The following MYT1L variants were observed in gnomAD, a reference collection of about 807,000 sequenced individuals.
MYT1L encodes myelin transcription factor 1-like protein.
A neutral mutation model predicts 126.7 loss-of-function variants in MYT1L; 12 were observed. The ratio of observed to expected loss-of-function variants is 0.09; its 90% CI spans 0.06 to 0.15. The LOEUF is 0.15. Ranked by LOEUF, MYT1L falls within the 10% of genes least tolerant of loss-of-function variation. The pLI is 1.00. For missense variants in MYT1L, 979 were observed against 1,585.2 expected (o/e 0.62, Z 6.49); for synonymous variants, 541 against 604.2 (o/e 0.90, Z 1.53).
At chr2:2,133,566 T>C (rs2082651921) in intron 3 of MYT1L, among the ~76,000 whole-genome samples, 1 of 152,234 alleles carries the variant, frequency 6.6e-6, no homozygotes, top group Non-Finnish European at 1.5e-5. Flanking sequence ...GGGAAGCTGA[T>C]ATGAAGGCAA....
chr2:2,219,520 A>G (rs1205482594), intron 2 of MYT1L, among the ~76,000 whole-genome samples: 1 of 152,228 alleles, frequency 6.6e-6, no homozygotes, highest in Non-Finnish European at 1.5e-5. Flanking sequence ...TTATGTTCTT[A>G]GCTCCCACAA....
rs572675161 is a variant in MYT1L, at chr2:2,163,030, G to T, written c.-304+9842C>A. ...TTACCACCCCATTAGGTCTTCAATGGAGATCAGAGCTCCAGGTAGAATGTA... is the reference window on the plus strand; with the variant it reads ...TTACCACCCCATTAGGTCTTCAATGTAGATCAGAGCTCCAGGTAGAATGTA... On this transcript the variant is annotated intron_variant, in intron 3 of 24. Transcript: ENST00000647738. Among the ~76,000 whole-genome samples, 384 of 152,256 alleles carry T rather than the reference G, an allele frequency of 2.5e-3. 3 individuals are homozygous for T. The highest frequency in any genetic ancestry group is 8.8e-3 in the African/African-American group (365 of 41,548).
At chr2:1,869,887 G>T (rs2046061175) in intron 18 of MYT1L, among the ~76,000 whole-genome samples, 1 of 152,150 alleles carries the variant, frequency 6.6e-6, no homozygotes, top group African/African-American at 2.4e-5. Context: ...ATACCACACA[G>T]ATCTCCAATT....
intron 3 of MYT1L, among the ~76,000 whole-genome samples, chr2:2,086,842 C>T (rs960246633): frequency 4.6e-5 from 7 of 152,242 alleles, no homozygotes; most frequent in African/African-American, 1.7e-4. Context: ...TCTTATTCAG[C>T]TGGTGTCCCA....
At chr2:2,134,804 C>T (rs2082830785) in intron 3 of MYT1L, among the ~76,000 whole-genome samples, 1 of 152,194 alleles carries the variant, frequency 6.6e-6, no homozygotes, top group Non-Finnish European at 1.5e-5. Context: ...AGATGTATCT[C>T]TTTCCTCGTC....
intron 9 of MYT1L, among the ~76,000 whole-genome samples, chr2:1,933,969 A>ATTTTTTTT (rs920521570): frequency 8.9e-6 from 1 of 111,748 alleles, no homozygotes; most frequent in Non-Finnish European, 1.9e-5. Flanking sequence ...TCTAATTTTG[A>ATTTTTTTT]TTTTTTTTTT....
At chr2:1,835,865 C>T (rs1206134207) in intron 21 of MYT1L, among the ~76,000 whole-genome samples, 1 of 152,170 alleles carries the variant, frequency 6.6e-6, no homozygotes. Flanking sequence ...GCAGGAGCCG[C>T]CCCTGGCATG....
At chr2:2,303,792 AC>A (rs2095820372) in intron 1 of MYT1L, 1 of 152,134 alleles carries the variant, frequency 6.6e-6, no homozygotes, top group South Asian at 2.1e-4. Context: ...TATAATAGAA[AC>A]CATTGCCAAG....
chr2:2,113,401 C>T lies in MYT1L; in HGVS notation c.-303-59278G>A, dbSNP rs138374696. 7.1e-3 allele frequency among the ~76,000 whole-genome samples: 1,079 copies of T among 152,284 alleles called. 11 individuals carry two copies. Among genetic ancestry groups the T allele is most frequent in the African/African-American group, 0.025 (1,027 of 41,556 alleles). On this transcript the variant is annotated intron_variant, in intron 3 of 24. Coordinates refer to ENST00000647738, the MANE Select transcript of MYT1L (RefSeq NM_001303052.2). ...CAGAGGGAGAATGAAGCGACAGGCACGCGCTCCGTCCAACAGCTCCACCAG... is the reference window on the plus strand; with the variant it reads ...CAGAGGGAGAATGAAGCGACAGGCATGCGCTCCGTCCAACAGCTCCACCAG...
At chr2:1,857,149 C>T (rs1004113174) in intron 18 of MYT1L, among the ~76,000 whole-genome samples, 4 of 152,190 alleles carry the variant, frequency 2.6e-5, no homozygotes, top group Non-Finnish European at 4.4e-5. Context: ...GGAGTCCTCC[C>T]AGCGTGACTC....
At chr2:2,170,525 G>A (rs756887374) in intron 3 of MYT1L, among the ~76,000 whole-genome samples, 12 of 152,054 alleles carry the variant, frequency 7.9e-5, no homozygotes, top group Non-Finnish European at 1.6e-4. Context: ...AAAAAATGTT[G>A]GCCCACCAGG....
chr2:1,795,306 C>G (rs1003702830), intron 23 of MYT1L, among the ~76,000 whole-genome samples: 1 of 152,216 alleles, frequency 6.6e-6, no homozygotes, highest in African/African-American at 2.4e-5. Context: ...GGGCCTCTGA[C>G]CCAGCCTTAG....
chr2:1,925,319 C>T (rs189267781), intron 9 of MYT1L, among the ~76,000 whole-genome samples: 30 of 152,320 alleles, frequency 2.0e-4, no homozygotes, highest in African/African-American at 6.5e-4. Context: ...GCTGCTTCTA[C>T]AGCCACAAAA....
chr2:2,089,381 G>A lies in MYT1L; in HGVS notation c.-303-35258C>T, dbSNP rs144075133. Among the ~76,000 whole-genome samples, 143 of 152,320 alleles carry A rather than the reference G, an allele frequency of 9.4e-4. 1 individual carries two copies. The highest frequency in any genetic ancestry group is 3.4e-3 in the Middle Eastern group (1 of 294). On this transcript the variant is annotated intron_variant, in intron 3 of 24. Coordinates refer to ENST00000647738, the MANE Select transcript of MYT1L (RefSeq NM_001303052.2). ...CTGCTGTAAGCACTGAATGCCTGGG[G>A]TAGGGAATGGCTGGAGGAGCAGAGC...
chr2:2,216,115 A>G (rs566569566), intron 2 of MYT1L, among the ~76,000 whole-genome samples: 12 of 152,172 alleles, frequency 7.9e-5, no homozygotes, highest in African/African-American at 2.9e-4. Flanking sequence ...ACCTCCCCAG[A>G]AGCAGATGCT....
chr2:2,064,250 A>G (rs2070929334), intron 3 of MYT1L, among the ~76,000 whole-genome samples: 1 of 152,158 alleles, frequency 6.6e-6, no homozygotes. Context: ...CAGTGCCTAG[A>G]CCTGGTTGAG....
At chr2:2,276,237 C>A (rs987265403) in intron 2 of MYT1L, among the ~76,000 whole-genome samples, 2 of 152,128 alleles carry the variant, frequency 1.3e-5, no homozygotes, top group Non-Finnish European at 1.5e-5. Context: ...TGGGTGTACA[C>A]CCTTGCGTGC....
chr2:2,295,945 A>G (rs1380896975), intron 1 of MYT1L, among the ~76,000 whole-genome samples: 1 of 151,372 alleles, frequency 6.6e-6, no homozygotes, highest in Non-Finnish European at 1.5e-5. Context: ...GGGGGAGGAG[A>G]GAGAGGTAGA....
At chr2:2,095,078 T>C (rs1037563593) in intron 3 of MYT1L, among the ~76,000 whole-genome samples, 1 of 152,238 alleles carries the variant, frequency 6.6e-6, no homozygotes, top group Non-Finnish European at 1.5e-5. Context: ...TCAGACAATG[T>C]AAATGTCACA....
Sources: allele counts gnomAD v4.1 joint callset (sites outside exome capture counted in the v4.1 genomes callset), GRCh38; gene constraint gnomAD v4.1.1; transcripts MANE v1.5; gene names NCBI Gene and HGNC (gene_info 2026-07-23, HGNC 2026-07-21).